The following OVOL2 variants were observed in gnomAD, a reference collection of about 807,000 sequenced individuals.
OVOL2 encodes transcription factor Ovo-like 2.
A neutral mutation model predicts 18.1 loss-of-function variants in OVOL2; 13 were observed. The observed-to-expected ratio is 0.72, with a 90% CI of 0.47 to 1.14. The LOEUF (loss-of-function observed/expected upper bound fraction) is 1.14. OVOL2 is among the 50% of genes most tolerant of loss of function. The pLI, the probability that OVOL2 is intolerant of heterozygous loss-of-function variation, is 0.00. For missense variants in OVOL2, 335 were observed against 383.0 expected, an observed-to-expected ratio of 0.87 and a Z score of 1.05; for synonymous variants, 166 against 162.7, an observed-to-expected ratio of 1.02 and a Z score of -0.16.
intron 3 of OVOL2, among the ~76,000 whole-genome samples, chr20:18,028,568 G>A (rs538155938): frequency 3.9e-5 from 6 of 152,202 alleles, no homozygotes; most frequent in Non-Finnish European, 8.8e-5. Flanking sequence ...CGGGCTGGGT[G>A]GATCGCCTGA....
chr20:18,040,327 G>C (rs2036657417), intron 3 of OVOL2, among the ~76,000 whole-genome samples: 1 of 152,142 alleles, frequency 6.6e-6, no homozygotes, highest in African/African-American at 2.4e-5. Flanking sequence ...AAATGGGTTG[G>C]AGTGAGATGG....
upstream of OVOL2, among the ~76,000 whole-genome samples, chr20:18,058,412 C>A (rs955125357): frequency 1.4e-5 from 2 of 142,212 alleles, no homozygotes; most frequent in Admixed American, 6.7e-5. Flanking sequence ...ACACCCCCCC[C>A]CCATAAGCAG....
chr20:18,024,605 G>T lies in OVOL2; in HGVS notation c.*31C>A, dbSNP rs2036491783. 8 of 1,534,014 alleles carry T rather than the reference G, an allele frequency of 5.2e-6. No individual in the cohort carries two copies. Among genetic ancestry groups the T allele is most frequent in the Non-Finnish European group, 7.0e-6 (8 of 1,136,858 alleles). On this transcript the variant is annotated 3_prime_UTR_variant, in exon 4 of 4. Transcript: ENST00000278780. The stretch of plus-strand genomic sequence containing the variant: ...AAAATCCACGTAGACATACGTGGCA[G>T]TGTGAACGTCTGTCCTCCCCTTCCT...
intron 3 of OVOL2, among the ~76,000 whole-genome samples, chr20:18,027,644 G>A (rs2036532123): frequency 1.3e-5 from 2 of 151,956 alleles, no homozygotes; most frequent in South Asian, 2.1e-4. Flanking sequence ...CGCCCAGGCT[G>A]GAATGCAGTG....
chr20:18,037,477 C>T (rs1272555815), intron 3 of OVOL2, among the ~76,000 whole-genome samples: 2 of 152,266 alleles, frequency 1.3e-5, no homozygotes, highest in Non-Finnish European at 2.9e-5. Flanking sequence ...GGCTGTGTTA[C>T]TCTCTGAAGG....
intron 3 of OVOL2, among the ~76,000 whole-genome samples, chr20:18,026,172 G>A (rs181143868): frequency 8.8e-4 from 134 of 152,290 alleles, no homozygotes; most frequent in African/African-American, 3.2e-3. Flanking sequence ...CTCCATGATT[G>A]GTACTCACCC....
At chr20:18,037,135 C>CAAAAAAAA (rs762848266) in intron 3 of OVOL2, among the ~76,000 whole-genome samples, 2 of 73,366 alleles carry the variant, frequency 2.7e-5, no homozygotes, top group Non-Finnish European at 6.0e-5. Context: ...GACTCCGTCT[C>CAAAAAAAA]AAAAAAAAAA....
intron 3 of OVOL2, among the ~76,000 whole-genome samples, chr20:18,025,620 A>G (rs1354918466): frequency 2.6e-5 from 4 of 152,180 alleles, no homozygotes; most frequent in African/African-American, 9.7e-5. Flanking sequence ...CAAAGATTCC[A>G]GTACAAGTAG....
intron 3 of OVOL2, among the ~76,000 whole-genome samples, chr20:18,028,410 C>T (rs2122688633): frequency 6.6e-6 from 1 of 150,916 alleles, no homozygotes; most frequent in East Asian, 2.1e-4. Flanking sequence ...CTCCCGATCT[C>T]AGGTGATCCA....
At chr20:18,054,277 T>C (rs1327790539) in intron 2 of OVOL2, among the ~76,000 whole-genome samples, 3 of 152,206 alleles carry the variant, frequency 2.0e-5, no homozygotes, top group Non-Finnish European at 4.4e-5. Context: ...CCAGAGCTTA[T>C]ATGATTAACC....
intron 3 of OVOL2, among the ~76,000 whole-genome samples, chr20:18,040,204 A>G (rs1290051791): frequency 6.6e-6 from 1 of 152,232 alleles, no homozygotes; most frequent in Non-Finnish European, 1.5e-5. Context: ...GATTACGAGC[A>G]GGAGCCACTG....
intron 2 of OVOL2, among the ~76,000 whole-genome samples, chr20:18,042,012 G>A (rs1026633058): frequency 6.6e-6 from 1 of 151,000 alleles, no homozygotes; most frequent in Non-Finnish European, 1.5e-5. Context: ...TTGGGTTCAG[G>A]TAATTCTCCT....
At chr20:18,039,678 T>C (rs2036652060) in intron 3 of OVOL2, among the ~76,000 whole-genome samples, 1 of 149,984 alleles carries the variant, frequency 6.7e-6, no homozygotes, top group African/African-American at 2.5e-5. Flanking sequence ...AGAAAAGAAC[T>C]ATGTTAGGAT....
intron 3 of OVOL2, among the ~76,000 whole-genome samples, chr20:18,033,516 G>T (rs905976957): frequency 6.6e-6 from 1 of 152,182 alleles, no homozygotes; most frequent in Non-Finnish European, 1.5e-5. Context: ...GGCCCTTTAC[G>T]CTGTCTTCTC....
In OVOL2 at chr20:18,024,694, T is replaced by G; in HGVS notation, c.770A>C (p.Lys257Thr). 1 of 1,614,130 alleles carries G rather than the reference T, an allele frequency of 6.2e-7. No homozygotes were observed. Among genetic ancestry groups the G allele is most frequent in the Non-Finnish European group, 8.5e-7 (1 of 1,180,022 alleles). The change falls in exon 4 of 4, where the codon AAG (lysine) becomes ACG (threonine). Residue 257 changes from lysine to threonine, a missense_variant. Physicochemically the swap from Lys to Thr is moderately conservative, Grantham distance 78. Coordinates refer to ENST00000278780, the MANE Select transcript of OVOL2 (RefSeq NM_021220.4). Reference sequence around the variant, plus strand: ...ATTCTCCTGGTGTGCGGATGTCAGCTTGCCCTGCAGAAGGGCTGCCAGTTT... The same window carrying G: ...ATTCTCCTGGTGTGCGGATGTCAGCGTGCCCTGCAGAAGGGCTGCCAGTTT... ...SKKLAALLQGKLTSAHQENTS... is the reference protein window; with the variant it reads ...SKKLAALLQGTLTSAHQENTS...
rs549807636 is a variant in OVOL2 at position 18,052,624 on chromosome 20, G to A, written c.321+4033C>T. Reference sequence around the variant, plus strand: ...GTGATGGGGGTATGGGGACTACTCCGTAGACACACATCTGCACCACTACAA... The same window carrying A: ...GTGATGGGGGTATGGGGACTACTCCATAGACACACATCTGCACCACTACAA... On this transcript the variant is annotated intron_variant, in intron 2 of 3. Transcript: ENST00000278780. Among the ~76,000 whole-genome samples, 10 of 152,264 alleles carry A rather than the reference G, an allele frequency of 6.6e-5. No individual in the cohort carries two copies. The South Asian group carries it at 1.0e-3, about 16-fold the overall frequency.
intron 2 of OVOL2, 43 bp from the exon 3 acceptor site, chr20:18,041,766 C>A (rs1429528698): frequency 5.1e-6 from 8 of 1,577,984 alleles, no homozygotes; most frequent in Non-Finnish European, 6.9e-6. Flanking sequence ...GGCAGGCAGG[C>A]ACATCCAGTA....
At chr20:18,046,244 C>T (rs1325636010) in intron 2 of OVOL2, among the ~76,000 whole-genome samples, 2 of 152,160 alleles carry the variant, frequency 1.3e-5, no homozygotes, top group African/African-American at 2.4e-5. Context: ...ATTTAATATG[C>T]CTTGTGCCTT....
chr20:18,043,407 G>C (rs1336144442), intron 2 of OVOL2, among the ~76,000 whole-genome samples: 1 of 152,122 alleles, frequency 6.6e-6, no homozygotes, highest in Non-Finnish European at 1.5e-5. Flanking sequence ...CCTCTTATAA[G>C]CCAGCTGCCA....
Sources: gnomAD v4.1 joint callset for allele counts (sites outside exome capture counted in the v4.1 genomes callset) on GRCh38, gnomAD v4.1.1 for gene constraint, MANE v1.5 for transcripts, NCBI Gene and HGNC (gene_info 2026-07-23, HGNC 2026-07-21) for gene names.